NAV2: variants seen among roughly 807,000 people sequenced by gnomAD.
NAV2 encodes neuron navigator 2.
Under a neutral mutation model 223.2 loss-of-function variants are expected in NAV2, and 54 were observed. The ratio of observed to expected loss-of-function variants is 0.24; its 90% CI spans 0.19 to 0.30. The LOEUF is 0.30. NAV2 is among the 10% of genes least tolerant of loss of function. The pLI, the probability that NAV2 is intolerant of heterozygous loss-of-function variation, is 1.00. For synonymous variants in NAV2, 1,279 were observed against 1,239.3 expected (o/e 1.03, Z -0.67); for missense variants, 2,806 against 3,147.5 (o/e 0.89, Z 2.60).
chr11:19,418,010 C>T (rs11825424), intron 1 of NAV2, among the ~76,000 whole-genome samples: 4,586 of 152,130 alleles, frequency 0.03, 247 homozygotes, highest in African/African-American at 0.1. Context: ...AACAGAAATA[C>T]CTAATGTAGA....
intron 2 of NAV2, among the ~76,000 whole-genome samples, chr11:19,842,422 T>C (rs2060556433): frequency 6.6e-6 from 1 of 152,184 alleles, no homozygotes; most frequent in Admixed American, 6.5e-5. Flanking sequence ...AAAAGCAATA[T>C]TAATCTGGCC....
intron 1 of NAV2, among the ~76,000 whole-genome samples, chr11:19,610,504 T>C (rs186318193): frequency 2.6e-5 from 4 of 152,334 alleles, no homozygotes; most frequent in Admixed American, 1.3e-4. Flanking sequence ...CTTACTGCTT[T>C]ATAATGCAGG....
At position 19,953,538 on chromosome 11, in the gene NAV2, G is replaced by T. The variant is rs375930184; in HGVS notation, c.2645+4458G>T. ...AATTCCTTTCCCCTCATGCCCATCT[G>T]ACTAATCCTGAAGAAAATGTCTCCC... is the stretch of plus-strand genomic sequence containing the variant. On this transcript the variant is annotated intron_variant, in intron 10 of 37. Transcript: ENST00000349880. Among the ~76,000 whole-genome samples the T allele has an allele frequency of 3.9e-5, 6 of 152,194 alleles. No homozygotes were observed. The East Asian group carries it at 1.2e-3, about 29-fold the overall frequency.
intron 1 of NAV2, among the ~76,000 whole-genome samples, chr11:19,832,025 AG>A (rs2059972476): frequency 6.6e-6 from 1 of 152,218 alleles, no homozygotes; most frequent in Non-Finnish European, 1.5e-5. Context: ...AACTCAGAAT[AG>A]CTCAATAGCC....
intron 3 of NAV2, among the ~76,000 whole-genome samples, chr11:19,845,930 G>C (rs959594111): frequency 5.9e-5 from 9 of 152,184 alleles, no homozygotes; most frequent in Admixed American, 5.9e-4. Flanking sequence ...ATACACAGGT[G>C]ACCAAGATGT....
intron 26 of NAV2, among the ~76,000 whole-genome samples, chr11:20,089,753 A>G (rs948349957): frequency 6.6e-6 from 1 of 152,156 alleles, no homozygotes; most frequent in Non-Finnish European, 1.5e-5. Context: ...CTTTCCTAAC[A>G]TTGCAATTCA....
chr11:19,912,409 C>T (rs773238623), intron 6 of NAV2, among the ~76,000 whole-genome samples: 9 of 152,094 alleles, frequency 5.9e-5, no homozygotes, highest in African/African-American at 9.7e-5. Flanking sequence ...CTGCTGATTA[C>T]GAAAATGTTA....
intron 10 of NAV2, among the ~76,000 whole-genome samples, chr11:19,962,551 AC>A (rs2048425645): frequency 6.6e-6 from 1 of 152,104 alleles, no homozygotes; most frequent in African/African-American, 2.4e-5. Context: ...AAGCTAACGC[AC>A]CCTGCCTGGG....
chr11:19,637,111 A>G (rs1184752668), intron 1 of NAV2, among the ~76,000 whole-genome samples: 2 of 152,200 alleles, frequency 1.3e-5, no homozygotes, highest in Non-Finnish European at 2.9e-5. Flanking sequence ...ACTACTTCCC[A>G]TGTGCAAAAC....
At chr11:19,443,079 A>G (rs1851462272) in intron 1 of NAV2, among the ~76,000 whole-genome samples, 1 of 152,204 alleles carries the variant, frequency 6.6e-6, no homozygotes, top group Non-Finnish European at 1.5e-5. Flanking sequence ...TTTGGGAATG[A>G]GACATGAATC....
At position 19,867,327 on chromosome 11, in the gene NAV2, C is replaced by A. The variant is rs150491601; in HGVS notation, c.439-1598C>A. Among the ~76,000 whole-genome samples the A allele has an allele frequency of 1.4e-3, 213 of 152,238 alleles. 4 individuals carry two copies. The South Asian group carries it at 0.022, about 16-fold the overall frequency. ...CTCCTGTGTATAACAGGGAAGAGGA[C>A]CTCCTGGTTTCTCACCCAGCTCTGC... On this transcript the variant is annotated intron_variant, in intron 3 of 37. Transcript: ENST00000349880.
intron 12 of NAV2, among the ~76,000 whole-genome samples, chr11:20,040,532 C>T (rs545077952): frequency 2.0e-4 from 31 of 152,296 alleles, no homozygotes; most frequent in African/African-American, 7.5e-4. Flanking sequence ...ACACTTGAAC[C>T]CAGATCTGTC....
chr11:19,939,850 C>A, intron 8 of NAV2, 77 bp downstream of exon 8: 1 of 974,690 alleles, frequency 1.0e-6, no homozygotes, highest in Non-Finnish European at 1.6e-6. Flanking sequence ...ACAGCATGAA[C>A]CCAGCTTGAT....
intron 1 of NAV2, among the ~76,000 whole-genome samples, chr11:19,548,724 A>T (rs1231421792): frequency 1.3e-5 from 2 of 151,652 alleles, no homozygotes; most frequent in Non-Finnish European, 2.9e-5. Flanking sequence ...AAAAAAAAAA[A>T]AAAATTAGCC....
intron 10 of NAV2, among the ~76,000 whole-genome samples, chr11:19,956,225 T>C (rs911657855): frequency 1.3e-5 from 2 of 152,130 alleles, no homozygotes; most frequent in African/African-American, 4.8e-5. Flanking sequence ...TGTGGGTTGC[T>C]TTCCCCACAC....
At chr11:19,530,754 C>T (rs1270889870) in intron 1 of NAV2, among the ~76,000 whole-genome samples, 1 of 152,256 alleles carries the variant, frequency 6.6e-6, no homozygotes, top group African/African-American at 2.4e-5. Context: ...GTGTCATGGA[C>T]TGTGCAGGCA....
intron 1 of NAV2, among the ~76,000 whole-genome samples, chr11:19,573,002 A>T (rs1054020322): frequency 6.6e-6 from 1 of 152,206 alleles, no homozygotes; most frequent in Non-Finnish European, 1.5e-5. Flanking sequence ...GCATTTTTAC[A>T]CAATCTAATT....
chr11:20,082,379 A>C (rs1014251560), intron 25 of NAV2, among the ~76,000 whole-genome samples: 1 of 152,190 alleles, frequency 6.6e-6, no homozygotes, highest in Non-Finnish European at 1.5e-5. Context: ...GGACTCCCCA[A>C]CCTGCTATTC....
At chr11:19,385,753 CTTTTTTTTTTTTTT>C (rs201669772) in intron 1 of NAV2, among the ~76,000 whole-genome samples, 217 of 112,742 alleles carry the variant, frequency 1.9e-3, no homozygotes, top group Admixed American at 3.6e-3. Context: ...AATATAGCTC[CTTTTTTTTTTTTTT>C]TTTTTTTTTT....
Sources: gnomAD v4.1 joint callset for allele counts (sites outside exome capture counted in the v4.1 genomes callset) on GRCh38, gnomAD v4.1.1 for gene constraint, MANE v1.5 for transcripts, NCBI Gene and HGNC (gene_info 2026-07-23, HGNC 2026-07-21) for gene names.